The following ATF6 variants were observed in gnomAD, a reference collection of about 807,000 sequenced individuals.
ATF6 encodes the protein cyclic AMP-dependent transcription factor ATF-6 alpha.
Under a neutral mutation model 83.6 loss-of-function variants are expected in ATF6, and 53 were observed. The observed-to-expected ratio is 0.63, with a 90% CI of 0.51 to 0.80. ATF6 has a LOEUF of 0.80. Among genes scored for constraint, ATF6 ranks in the 30% least tolerant of loss-of-function variants. ATF6 has a pLI of 0.00. For synonymous variants in ATF6, 288 were observed against 285.8 expected (o/e 1.01, Z -0.08); for missense variants, 744 against 797.9 (o/e 0.93, Z 0.81).
chr1:161,817,520 TGTGTGTGTGA>T (rs1685640789), intron 7 of ATF6, among the ~76,000 whole-genome samples: 1 of 152,190 alleles, frequency 6.6e-6, no homozygotes, highest in South Asian at 2.1e-4. Context: ...CGTGCGTGTG[TGTGTGTGTGA>T]GTGTGTGTGC....
chr1:161,936,073 A>G (rs1309844826), intron 15 of ATF6, among the ~76,000 whole-genome samples: 6 of 152,228 alleles, frequency 3.9e-5, no homozygotes, highest in Non-Finnish European at 7.3e-5. Flanking sequence ...ATCTGCTCAT[A>G]GAAATACAGT....
chr1:161,901,652 C>G (rs1299769914), intron 14 of ATF6, among the ~76,000 whole-genome samples: 1 of 152,022 alleles, frequency 6.6e-6, no homozygotes, highest in African/African-American at 2.4e-5. Flanking sequence ...AAAATCTACC[C>G]TCATGCAGGT....
In ATF6 at chr1:161,936,139, C is replaced by T. The variant is rs565039100; in HGVS notation, c.1805-22307C>T. Among the ~76,000 whole-genome samples, 20 of 152,288 alleles carry T rather than the reference C, an allele frequency of 1.3e-4. No individual in the cohort carries two copies. In the South Asian group the frequency reaches 2.9e-3, roughly 22 times the overall value. On this transcript the variant is annotated intron_variant, in intron 15 of 15. Transcript: ENST00000367942. ...CGAAGCAACTCAGAATGGAACACAA[C>T]GCTACTGGTGTGTTAATTAGCAGGT... is the stretch of plus-strand genomic sequence containing the variant.
Position 161,766,378 on chromosome 1 carries a change from G to C in ATF6, c.18G>C (p.Gly6=). 1 of 1,612,920 alleles carries C rather than the reference G, an allele frequency of 6.2e-7. No homozygotes were observed. The highest frequency in any genetic ancestry group is 8.5e-7 in the Non-Finnish European group (1 of 1,179,416). MGEPA[G]VAGTMESPFS... The stretch of plus-strand genomic sequence containing the variant: ...CTTGTGAAATGGGGGAGCCGGCTGG[G>C]GTTGCCGGCACCATGGAGTCACCTT... Residue 6 remains glycine, a synonymous_variant, in exon 1 of 16, where the codon GGG becomes GGC. Coordinates refer to ENST00000367942, the MANE Select transcript of ATF6 (RefSeq NM_007348.4).
At chr1:161,841,336 G>C (rs964421975) in intron 9 of ATF6, among the ~76,000 whole-genome samples, 6 of 152,168 alleles carry the variant, frequency 3.9e-5, no homozygotes, top group Admixed American at 6.5e-5. Flanking sequence ...ATTAGTTTCT[G>C]TGGGTCATTT....
intron 15 of ATF6, among the ~76,000 whole-genome samples, chr1:161,946,424 G>A (rs768447890): frequency 6.6e-6 from 1 of 152,206 alleles, no homozygotes; most frequent in Non-Finnish European, 1.5e-5. Flanking sequence ...TGTTTTTGCT[G>A]TATCAGTGCC....
intron 15 of ATF6, among the ~76,000 whole-genome samples, chr1:161,932,678 A>T (rs1284763161): frequency 6.6e-6 from 1 of 152,192 alleles, no homozygotes; most frequent in African/African-American, 2.4e-5. Context: ...TTAAAGCAGC[A>T]TTTGTTATTT....
intron 14 of ATF6, among the ~76,000 whole-genome samples, chr1:161,867,898 G>A (rs766977041): frequency 6.6e-6 from 1 of 152,094 alleles, no homozygotes; most frequent in Non-Finnish European, 1.5e-5. Flanking sequence ...TACCATATTT[G>A]GGTATGCACC....
chr1:161,940,644 C>T (rs1016864130), intron 15 of ATF6, among the ~76,000 whole-genome samples: 4 of 149,424 alleles, frequency 2.7e-5, no homozygotes, highest in East Asian at 2.0e-4. Flanking sequence ...CTGCAACCTC[C>T]GCCTCCCGGG....
chr1:161,876,817 T>C (rs988498572), intron 14 of ATF6, among the ~76,000 whole-genome samples: 1 of 152,026 alleles, frequency 6.6e-6, no homozygotes, highest in Non-Finnish European at 1.5e-5. Context: ...CTGTATCTTA[T>C]ATGTAGACAG....
chr1:161,880,660 A>T (rs1687304383), intron 14 of ATF6, among the ~76,000 whole-genome samples: 1 of 152,096 alleles, frequency 6.6e-6, no homozygotes, highest in South Asian at 2.1e-4. Context: ...TTACTAATAT[A>T]TTCACCTTCT....
At chr1:161,848,697 C>G (rs1686539588) in intron 10 of ATF6, among the ~76,000 whole-genome samples, 1 of 152,232 alleles carries the variant, frequency 6.6e-6, no homozygotes, top group East Asian at 1.9e-4. Context: ...CAGAACTGAT[C>G]TTTACTCCAA....
intron 9 of ATF6, among the ~76,000 whole-genome samples, chr1:161,841,514 A>C (rs933301874): frequency 1.3e-5 from 2 of 152,222 alleles, no homozygotes; most frequent in African/African-American, 4.8e-5. Flanking sequence ...AAAGATTCTT[A>C]GCAGAATTTA....
chr1:161,766,351 A>G lies in ATF6; in HGVS notation c.-10A>G. ...TAATCACGGAGTTCCAGGGAGAAGGAACTTGTGAAATGGGGGAGCCGGCTG... is the reference window on the plus strand; with the variant it reads ...TAATCACGGAGTTCCAGGGAGAAGGGACTTGTGAAATGGGGGAGCCGGCTG... On this transcript the variant is annotated 5_prime_UTR_variant, in exon 1 of 16. Transcript: ENST00000367942. 6.2e-7 allele frequency: 1 copy of G among 1,613,148 alleles called. No individual in the cohort carries two copies. The highest frequency in any genetic ancestry group is 1.3e-5 in the African/African-American group (1 of 75,042).
intron 4 of ATF6, among the ~76,000 whole-genome samples, chr1:161,787,275 T>C (rs1184811244): frequency 1.3e-5 from 2 of 152,246 alleles, no homozygotes; most frequent in East Asian, 3.8e-4. Context: ...TCACACTTTA[T>C]ATTTGTTCAC....
At chr1:161,918,659 A>G (rs1290836290) in intron 15 of ATF6, among the ~76,000 whole-genome samples, 1 of 152,216 alleles carries the variant, frequency 6.6e-6, no homozygotes, top group Non-Finnish European at 1.5e-5. Context: ...CATTCTGAGC[A>G]TATAAGGGTT....
At chr1:161,834,541 C>T (rs1002892714) in intron 9 of ATF6, among the ~76,000 whole-genome samples, 4 of 147,922 alleles carry the variant, frequency 2.7e-5, no homozygotes, top group South Asian at 4.3e-4. Flanking sequence ...AACCAAACAC[C>T]GCATGTTCTC....
At chr1:161,863,641 T>A (rs1686932029) in intron 14 of ATF6, among the ~76,000 whole-genome samples, 1 of 152,218 alleles carries the variant, frequency 6.6e-6, no homozygotes, top group Non-Finnish European at 1.5e-5. Context: ...CTATTTAGGC[T>A]TTTCCTATTT....
At chr1:161,857,041 C>T (rs1044765591) in intron 12 of ATF6, among the ~76,000 whole-genome samples, 6 of 152,048 alleles carry the variant, frequency 3.9e-5, no homozygotes, top group Admixed American at 1.3e-4. Flanking sequence ...TAGTATTTGT[C>T]AGTAGTAAAG....
Sources: gnomAD v4.1 joint callset for allele counts (sites outside exome capture counted in the v4.1 genomes callset) on GRCh38, gnomAD v4.1.1 for gene constraint, MANE v1.5 for transcripts, NCBI Gene and HGNC (gene_info 2026-07-23, HGNC 2026-07-21) for gene names.